The following AFF2 variants were observed in gnomAD, a reference collection of about 807,000 sequenced individuals.
AFF2 encodes the protein ALF transcription elongation factor 2, also known as AF4/FMR2 family member 2.
A neutral mutation model predicts 76.9 loss-of-function variants in AFF2; 14 were observed. That is an observed-to-expected ratio of 0.18 (90% CI 0.12 to 0.28). The LOEUF (loss-of-function observed/expected upper bound fraction) is 0.28. Among genes scored for constraint, AFF2 ranks in the 10% least tolerant of loss-of-function variants. AFF2 has a pLI of 1.00. For synonymous variants in AFF2, 398 were observed against 366.7 expected (o/e 1.09, Z -0.98); for missense variants, 868 against 1,001.1 (o/e 0.87, Z 1.79).
At chrX:148,612,630 G>A (rs1474067487) in intron 1 of AFF2, among the ~76,000 whole-genome samples, 2 of 112,159 alleles carry the variant, frequency 1.8e-5, no homozygotes, top group Non-Finnish European at 3.8e-5. Flanking sequence ...TGTAAGACCT[G>A]GTTGGTAAGC....
chrX:148,907,308 A>C (rs1490718016), intron 9 of AFF2, among the ~76,000 whole-genome samples: 5 of 112,281 alleles, frequency 4.5e-5, no homozygotes, highest in Non-Finnish European at 7.5e-5. Flanking sequence ...CCTAGCCTGC[A>C]GGCTTGATAA....
At chrX:148,529,494 G>A (rs781813761) in intron 1 of AFF2, among the ~76,000 whole-genome samples, 6 of 112,403 alleles carry the variant, frequency 5.3e-5, no homozygotes, top group African/African-American at 1.9e-4. Flanking sequence ...CATTTCTGTT[G>A]TCAACCTAGT....
intron 1 of AFF2, among the ~76,000 whole-genome samples, chrX:148,611,362 T>G (rs1176163628): frequency 8.9e-6 from 1 of 112,395 alleles, no homozygotes; most frequent in Non-Finnish European, 1.9e-5. Context: ...TTTGTGAAGA[T>G]GAGAAATGTA....
chrX:148,932,787 A>G (rs1310040280), intron 9 of AFF2, among the ~76,000 whole-genome samples: 1 of 112,184 alleles, frequency 8.9e-6, no homozygotes, highest in Non-Finnish European at 1.9e-5. Context: ...CATAATTTTG[A>G]AAACACACAC....
At chrX:148,985,190 G>A (rs781993058) in intron 19 of AFF2, among the ~76,000 whole-genome samples, 38 of 105,801 alleles carry the variant, frequency 3.6e-4, no homozygotes, top group Non-Finnish European at 7.1e-4. Flanking sequence ...TCACCATGTT[G>A]GCCAGGCTGG....
At chrX:148,679,404 G>A (rs183631471) in intron 3 of AFF2, among the ~76,000 whole-genome samples, 7 of 109,790 alleles carry the variant, frequency 6.4e-5, no homozygotes, top group Admixed American at 3.0e-4. Flanking sequence ...TAACAGTGCC[G>A]TGCTTCCTGT....
At chrX:148,884,287 C>T (rs1350848707) in intron 7 of AFF2, among the ~76,000 whole-genome samples, 2 of 112,246 alleles carry the variant, frequency 1.8e-5, no homozygotes, top group Non-Finnish European at 3.8e-5. Flanking sequence ...CAGCAATCAT[C>T]CTTTATATCA....
At chrX:148,780,105 C>G (rs2069722563) in intron 3 of AFF2, among the ~76,000 whole-genome samples, 1 of 112,422 alleles carries the variant, frequency 8.9e-6, no homozygotes, top group African/African-American at 3.2e-5. Context: ...AGGGTTTCTG[C>G]AGAGAGATCT....
intron 1 of AFF2, among the ~76,000 whole-genome samples, chrX:148,614,026 G>A (rs782773564): frequency 8.9e-6 from 1 of 111,837 alleles, no homozygotes; most frequent in African/African-American, 3.2e-5. Context: ...AAGAAAATCC[G>A]AGCACATTCT....
At chrX:148,937,625 C>T (rs2071788851) in intron 9 of AFF2, among the ~76,000 whole-genome samples, 2 of 111,722 alleles carry the variant, frequency 1.8e-5, no homozygotes, top group Non-Finnish European at 3.8e-5. Context: ...TACAAACAAG[C>T]GCAGAATCAG....
At position 148,538,492 on chromosome X, in the gene AFF2, G is replaced by T. The variant is rs1368441489; in HGVS notation, c.47+37348G>T. On this transcript the variant is annotated intron_variant, in intron 1 of 20. Transcript: ENST00000370460. The stretch of plus-strand genomic sequence containing the variant: ...TTTAATGTACACAGAAATCGTTCAG[G>T]AATTTTGTAGAAATACAGATTATGC... Among the ~76,000 whole-genome samples the T allele has an allele frequency of 3.6e-5, 4 of 112,479 alleles. 1 individual carries two copies. The highest frequency in any genetic ancestry group is 5.6e-5 in the Non-Finnish European group (3 of 53,303).
intron 1 of AFF2, among the ~76,000 whole-genome samples, chrX:148,580,770 T>TA (rs782402026): frequency 1.3e-3 from 139 of 109,449 alleles, no homozygotes; most frequent in Non-Finnish European, 2.2e-3. Flanking sequence ...TGTGTATTTT[T>TA]AAAAAATAAG....
intron 2 of AFF2, among the ~76,000 whole-genome samples, chrX:148,661,539 G>A (rs2054304582): frequency 8.9e-6 from 1 of 112,072 alleles, no homozygotes; most frequent in Admixed American, 9.5e-5. Flanking sequence ...CCAATGATTG[G>A]TAAGCAGAAG....
chrX:148,637,544 T>C (rs782557060), intron 1 of AFF2, among the ~76,000 whole-genome samples: 1 of 112,108 alleles, frequency 8.9e-6, no homozygotes, highest in South Asian at 3.7e-4. Context: ...AGAAATATAA[T>C]GTGGGCCACA....
At chrX:148,693,091 G>T (rs374715231) in intron 3 of AFF2, among the ~76,000 whole-genome samples, 1 of 110,810 alleles carries the variant, frequency 9.0e-6, no homozygotes, top group Non-Finnish European at 1.9e-5. Context: ...CTAATTTTTT[G>T]TATTTTTAGT....
intron 3 of AFF2, among the ~76,000 whole-genome samples, chrX:148,736,965 T>C (rs1338939833): frequency 9.0e-6 from 1 of 111,651 alleles, no homozygotes; most frequent in African/African-American, 3.3e-5. Flanking sequence ...TTTTATTCCA[T>C]TGGTCTCTGT....
intron 1 of AFF2, among the ~76,000 whole-genome samples, chrX:148,644,363 T>C (rs2054121852): frequency 9.0e-6 from 1 of 111,587 alleles, no homozygotes; most frequent in African/African-American, 3.3e-5. Context: ...ACTGTGTTTT[T>C]GTACCACTGA....
intron 9 of AFF2, among the ~76,000 whole-genome samples, chrX:148,935,946 C>T (rs1251740271): frequency 1.8e-5 from 2 of 108,988 alleles, no homozygotes; most frequent in Non-Finnish European, 3.8e-5. Flanking sequence ...GCAGGAAAGC[C>T]GTGGAAAAGA....
intron 1 of AFF2, among the ~76,000 whole-genome samples, chrX:148,597,220 C>T (rs2053582057): frequency 9.0e-6 from 1 of 111,346 alleles, no homozygotes; most frequent in Admixed American, 9.6e-5. Flanking sequence ...TCAAGTCGGG[C>T]TGCTTTGTGT....
Sources: allele counts gnomAD v4.1 joint callset (sites outside exome capture counted in the v4.1 genomes callset), GRCh38; gene constraint gnomAD v4.1.1; transcripts MANE v1.5; gene names NCBI Gene and HGNC (gene_info 2026-07-23, HGNC 2026-07-21).